Variants in GALNT10 observed in about 807,000 individuals in gnomAD.
GALNT10 encodes polypeptide N-acetylgalactosaminyltransferase 10.
GALNT10 carries 41 observed loss-of-function variants against 75.0 expected under a neutral mutation model. The ratio of observed to expected loss-of-function variants is 0.55; its 90% confidence interval spans 0.43 to 0.71. The LOEUF is 0.71. Among genes scored for constraint, GALNT10 ranks in the 30% least tolerant of loss-of-function variants. GALNT10 has a pLI of 0.00. For missense variants in GALNT10, 727 were observed against 818.5 expected, an observed-to-expected ratio of 0.89 and a Z score of 1.36; for synonymous variants, 302 against 313.0, an observed-to-expected ratio of 0.96 and a Z score of 0.37.
intron 7 of GALNT10, among the ~76,000 whole-genome samples, chr5:154,390,005 G>A (rs1256129953): frequency 6.6e-6 from 1 of 152,114 alleles, no homozygotes; most frequent in Non-Finnish European, 1.5e-5. Flanking sequence ...AACACACTAG[G>A]TCTGATACAA....
chr5:154,230,148 C>A (rs1753126772), intron 1 of GALNT10, among the ~76,000 whole-genome samples: 1 of 152,140 alleles, frequency 6.6e-6, no homozygotes, highest in Admixed American at 6.5e-5. Context: ...GATCAGCTAT[C>A]CAGGTTTTAA....
At chr5:154,218,234 A>C in intron 1 of GALNT10, 1 of 566,302 alleles carries the variant, frequency 1.8e-6, no homozygotes, top group Non-Finnish European at 2.2e-6. Context: ...AAGCCCTCCC[A>C]GGACTTCAAG....
At chr5:154,279,244 A>G (rs1753999825) in intron 1 of GALNT10, among the ~76,000 whole-genome samples, 1 of 151,406 alleles carries the variant, frequency 6.6e-6, no homozygotes, top group South Asian at 2.1e-4. Flanking sequence ...TAGCTAGCCT[A>G]GCAGGTGTAA....
At chr5:154,311,272 A>G (rs530700746) in intron 3 of GALNT10, among the ~76,000 whole-genome samples, 1 of 152,352 alleles carries the variant, frequency 6.6e-6, no homozygotes. Context: ...TGTGCTGAAC[A>G]CATTGCCAGT....
intron 3 of GALNT10, among the ~76,000 whole-genome samples, chr5:154,328,722 A>G (rs1754797194): frequency 6.6e-6 from 1 of 152,234 alleles, no homozygotes; most frequent in South Asian, 2.1e-4. Context: ...AATTCTGACC[A>G]GCCGGCTGTA....
chr5:154,206,357 T>G (rs1775109424), intron 1 of GALNT10, among the ~76,000 whole-genome samples: 1 of 152,262 alleles, frequency 6.6e-6, no homozygotes, highest in African/African-American at 2.4e-5. Flanking sequence ...CAATTTATTT[T>G]TGTACTGGGT....
At chr5:154,398,977 C>T (rs1467998979) in intron 7 of GALNT10, among the ~76,000 whole-genome samples, 1 of 152,170 alleles carries the variant, frequency 6.6e-6, no homozygotes, top group Non-Finnish European at 1.5e-5. Flanking sequence ...AAATGACTAA[C>T]ATTCATCTGG....
At chr5:154,256,238 G>T (rs967822880) in intron 1 of GALNT10, among the ~76,000 whole-genome samples, 3 of 152,084 alleles carry the variant, frequency 2.0e-5, no homozygotes, top group African/African-American at 7.2e-5. Context: ...GCCAACTGCT[G>T]TCATGCAGGA....
rs369431703 is a variant in GALNT10, at chr5:154,248,715, G to A, written c.160-46101G>A. On this transcript the variant is annotated intron_variant, in intron 1 of 11. Transcript: ENST00000297107. ...TTCTTCTCTCTTTTCTTCTTTATTAGTCTTGCTAGTGGTCTATCAATTTTG... is the reference window on the plus strand; with the variant it reads ...TTCTTCTCTCTTTTCTTCTTTATTAATCTTGCTAGTGGTCTATCAATTTTG... Among the ~76,000 whole-genome samples, 28 of 152,106 alleles carry A rather than the reference G, an allele frequency of 1.8e-4. No homozygotes were observed. The East Asian group carries it at 4.4e-3, about 24-fold the overall frequency.
At chr5:154,288,552 T>TAATA (rs1754147135) in intron 1 of GALNT10, among the ~76,000 whole-genome samples, 1 of 151,562 alleles carries the variant, frequency 6.6e-6, no homozygotes, top group African/African-American at 2.4e-5. Context: ...TATTATTTAA[T>TAATA]GTGATTTCCA....
intron 3 of GALNT10, among the ~76,000 whole-genome samples, chr5:154,315,462 G>A (rs542693332): frequency 6.6e-5 from 10 of 152,232 alleles, no homozygotes; most frequent in Non-Finnish European, 1.5e-4. Context: ...GGAATTTCTG[G>A]ATTCCACCAT....
At position 154,412,574 on chromosome 5, in the gene GALNT10, T is replaced by G; in HGVS notation, c.1387-315T>G. Reference sequence around the variant, plus strand: ...AAAATCTGGTTCCTGGACCTGTCGGTTCAATTTCTCCAGGAGTAGGGCCAG... The same window carrying G: ...AAAATCTGGTTCCTGGACCTGTCGGGTCAATTTCTCCAGGAGTAGGGCCAG... On this transcript the variant is annotated intron_variant, in intron 9 of 11. Transcript: ENST00000297107. This position sits in a 1 kb window ranked among gnomAD's most constrained non-coding sequence, Gnocchi z 4.2. 2 of 304,410 alleles carry G rather than the reference T, an allele frequency of 6.6e-6. No individual in the cohort carries two copies. The highest frequency in any genetic ancestry group is 6.3e-6 in the Non-Finnish European group (1 of 159,108). 18.9% of individuals were successfully genotyped at this position (304,410 alleles called of 1,614,324 possible). A position where few individuals can be genotyped will look rare whatever the true frequency, so the allele number is the denominator to read the frequency against.
intron 3 of GALNT10, among the ~76,000 whole-genome samples, chr5:154,322,377 T>C (rs1400099838): frequency 6.6e-6 from 1 of 152,186 alleles, no homozygotes; most frequent in African/African-American, 2.4e-5. Context: ...CTCAAATCTC[T>C]ACTTCTTCTG....
chr5:154,201,374 C>G lies in GALNT10; in HGVS notation c.159+10349C>G, dbSNP rs140431767. On this transcript the variant is annotated intron_variant, in intron 1 of 11. Transcript: ENST00000297107. ...AGCCAATAAGTTGATGCTAATCCTT[C>G]TGTCTCTAAGACTAATGTACTTTTC... is the stretch of plus-strand genomic sequence containing the variant. 1.1e-3 allele frequency among the ~76,000 whole-genome samples: 170 copies of G among 152,120 alleles called. 1 individual carries two copies. The South Asian group carries it at 0.015, about 14-fold the overall frequency.
chr5:154,347,297 G>C, intron 4 of GALNT10: 1 of 459,220 alleles, frequency 2.2e-6, no homozygotes, highest in Admixed American at 3.1e-5. Context: ...AATTTATTTG[G>C]ATCAAGAGTG....
At position 154,253,405 on chromosome 5, in the gene GALNT10, G is replaced by A. The variant is rs987341700; in HGVS notation, c.160-41411G>A. Among the ~76,000 whole-genome samples the A allele has an allele frequency of 3.5e-4, 44 of 124,980 alleles. 1 individual carries two copies. The highest frequency in any genetic ancestry group is 6.2e-4 in the Non-Finnish European group (37 of 59,984). The allele number at this position is 124,980 out of a possible 152,430, so 82.0% of individuals were successfully genotyped here. ...CGGGGACTGTTGTGGGGTGGGGGGA[G>A]GGGGAAGGGATAGCATTAGGAGATA... On this transcript the variant is annotated intron_variant, in intron 1 of 11. Transcript: ENST00000297107.
chr5:154,247,601 G>A (rs1753448994), intron 1 of GALNT10, among the ~76,000 whole-genome samples: 1 of 152,026 alleles, frequency 6.6e-6, no homozygotes, highest in Non-Finnish European at 1.5e-5. Context: ...TCATGATTTG[G>A]CTCTCTGTTT....
rs149928148 is a variant in GALNT10 at position 154,348,184 on chromosome 5, G to A, written c.568+18446G>A. ...ATAAATGGCTTGTGATGTACAGAGC[G>A]TTGAAATCATTTGTATATCATCAGT... On this transcript the variant is annotated intron_variant, in intron 4 of 11. Transcript: ENST00000297107. Among the ~76,000 whole-genome samples, 33 of 152,318 alleles carry A rather than the reference G, an allele frequency of 2.2e-4. No individual in the cohort carries two copies. In the East Asian group the frequency reaches 5.2e-3, roughly 24 times the overall value.
At chr5:154,271,737 C>T (rs1753868749) in intron 1 of GALNT10, among the ~76,000 whole-genome samples, 1 of 152,186 alleles carries the variant, frequency 6.6e-6, no homozygotes, top group Non-Finnish European at 1.5e-5. Flanking sequence ...CTAAAATGCA[C>T]ACCTAGAGAG....
Sources: gnomAD v4.1 joint callset for allele counts (sites outside exome capture counted in the v4.1 genomes callset) on GRCh38, gnomAD v4.1.1 for gene constraint, Gnocchi (gnomAD v3.1) non-coding constraint, MANE v1.5 for transcripts, NCBI Gene and HGNC (gene_info 2026-07-23, HGNC 2026-07-21) for gene names.